MDFIC: variants seen among roughly 807,000 people sequenced by gnomAD.
MDFIC encodes myoD family inhibitor domain-containing protein.
MDFIC carries 17 observed loss-of-function variants against 23.2 expected under a neutral mutation model. The ratio of observed to expected loss-of-function variants is 0.73; its 90% confidence interval spans 0.50 to 1.10. The LOEUF is 1.10. Among genes scored for constraint, MDFIC ranks in the 50% least tolerant of loss-of-function variants. The pLI is 0.00. For synonymous variants in MDFIC, 120 were observed against 115.2 expected (o/e 1.04, Z -0.27); for missense variants, 356 against 316.6 (o/e 1.12, Z -0.95).
In MDFIC at chr7:114,922,225, C is replaced by G; in HGVS notation, c.-519C>G. The G allele has an allele frequency of 1.9e-6, 1 of 518,648 alleles. No homozygotes were observed. The highest frequency in any genetic ancestry group is 3.0e-6 in the Non-Finnish European group (1 of 337,712). 32.1% of individuals were successfully genotyped at this position (518,648 alleles called of 1,614,324 possible). On this transcript the variant is annotated 5_prime_UTR_variant, in exon 1 of 5. Transcript: ENST00000393486. The stretch of plus-strand genomic sequence containing the variant: ...GGATCGCGCGGCCGAGCCCGGGTCG[C>G]GCCGCTCCCAGCATCGGGGCCGCTA...
chr7:114,947,204 G>A (rs1202199921), intron 3 of MDFIC, among the ~76,000 whole-genome samples: 1 of 152,022 alleles, frequency 6.6e-6, no homozygotes, highest in Non-Finnish European at 1.5e-5. Context: ...TGTTTCTTGG[G>A]TCATCTAGGA....
chr7:114,930,842 G>A (rs1792294740), intron 2 of MDFIC, among the ~76,000 whole-genome samples: 1 of 152,176 alleles, frequency 6.6e-6, no homozygotes, highest in South Asian at 2.1e-4. Context: ...CAAAGGCAGA[G>A]GATAAATCGT....
At position 114,936,518 on chromosome 7, in the gene MDFIC, T is replaced by G. The variant is rs1792426885; in HGVS notation, c.95-5757T>G. On this transcript the variant is annotated intron_variant, in intron 2 of 4. Transcript: ENST00000393486. ...CATTTCTACCTACAAAGGGCAGAAC[T>G]AAGAGTAGTTATAAATGACTTGATA... Among the ~76,000 whole-genome samples the G allele has an allele frequency of 4.6e-5, 7 of 152,094 alleles. No homozygotes were observed. The South Asian group carries it at 1.4e-3, about 31-fold the overall frequency.
chr7:114,944,167 T>A (rs1439523624), intron 3 of MDFIC, among the ~76,000 whole-genome samples: 1 of 152,156 alleles, frequency 6.6e-6, no homozygotes, highest in Non-Finnish European at 1.5e-5. Flanking sequence ...CCATGGGACT[T>A]TGGAACATTA....
chr7:114,923,049 G>A lies in MDFIC; in HGVS notation c.16G>A (p.Glu6Lys), dbSNP rs1362372654. 9 of 1,359,954 alleles carry A rather than the reference G, an allele frequency of 6.6e-6. No homozygotes were observed. In the South Asian group the frequency reaches 7.1e-5, roughly 11 times the overall value. The allele number at this position is 1,359,954 out of a possible 1,614,324, so 84.2% of individuals were successfully genotyped here. Residue 6 changes from glutamate (E) to lysine (K), a missense_variant, in exon 2 of 5, where the codon GAA becomes AAA. Coordinates refer to ENST00000393486, the MANE Select transcript of MDFIC (RefSeq NM_001166345.3). MSGAG[E>K]ALAPGPVGPQ... ...GGAGCGGCCCATGTCCGGCGCGGGC[G>A]AAGCCCTCGCTCCCGGGCCCGTGGG...
In MDFIC at chr7:114,952,824, A is replaced by T. The variant is rs73443221; in HGVS notation, c.217+10427A>T. On this transcript the variant is annotated intron_variant, in intron 3 of 4. Coordinates refer to ENST00000393486, the MANE Select transcript of MDFIC (RefSeq NM_001166345.3). ...ATCATTCCCTGTCTTTATGAAAAAG[A>T]TATTAATATATCATTTATGTGTAGG... Among the ~76,000 whole-genome samples, 788 of 152,288 alleles carry T rather than the reference A, an allele frequency of 5.2e-3. 7 individuals are homozygous for T. The highest frequency in any genetic ancestry group is 0.018 in the African/African-American group (754 of 41,556).
intron 4 of MDFIC, among the ~76,000 whole-genome samples, chr7:114,984,936 C>T (rs1252604448): frequency 2.0e-5 from 3 of 152,196 alleles, no homozygotes; most frequent in African/African-American, 7.2e-5. Context: ...TAGAGAAATA[C>T]ATATCCAGTC....
chr7:115,015,793 G>C lies in MDFIC; in HGVS notation c.599G>C (p.Cys200Ser). ...ASCGICTSEA[C>S]CCCCGDEMGD... ...TGTGGCATCTGCACCTCAGAAGCCT[G>C]CTGCTGTTGCTGTGGTGACGAGATG... The change falls in exon 5 of 5, where the codon TGC becomes TCC. Residue 200 changes from cysteine to serine, a missense_variant. Transcript: ENST00000393486. 6.2e-7 allele frequency: 1 copy of C among 1,614,206 alleles called. No individual in the cohort carries two copies. Among genetic ancestry groups the C allele is most frequent in the Non-Finnish European group, 8.5e-7 (1 of 1,180,042 alleles).
chr7:114,960,163 C>T (rs941626134), intron 3 of MDFIC, among the ~76,000 whole-genome samples: 5 of 152,060 alleles, frequency 3.3e-5, no homozygotes, highest in Admixed American at 6.5e-5. Context: ...CACTACCTCA[C>T]GGGGTTGGTG....
At chr7:115,001,801 A>G (rs1791470406) in intron 4 of MDFIC, among the ~76,000 whole-genome samples, 1 of 152,090 alleles carries the variant, frequency 6.6e-6, no homozygotes, top group South Asian at 2.1e-4. Context: ...ACTCTAATTA[A>G]CCATGAAAAA....
At chr7:114,986,071 C>T (rs1197128460) in intron 4 of MDFIC, among the ~76,000 whole-genome samples, 4 of 142,350 alleles carry the variant, frequency 2.8e-5, no homozygotes, top group Non-Finnish European at 6.1e-5. Context: ...GAACGGTTAT[C>T]GAAAAGGAAA....
chr7:114,926,868 C>A (rs1792201310), intron 2 of MDFIC, among the ~76,000 whole-genome samples: 1 of 152,086 alleles, frequency 6.6e-6, no homozygotes, highest in Non-Finnish European at 1.5e-5. Context: ...CTATTTTTAT[C>A]ATATTATTTT....
rs904595289 is a variant in MDFIC at position 115,019,855 on chromosome 7, T to G, written c.*3920T>G. ...GTTTTTATAATCAAGCATTGGGTATTAAAAGAGAATCCTTTCAACCCTTCA... is the reference window on the plus strand; with the variant it reads ...GTTTTTATAATCAAGCATTGGGTATGAAAAGAGAATCCTTTCAACCCTTCA... On this transcript the variant is annotated 3_prime_UTR_variant, in exon 5 of 5. Coordinates refer to ENST00000393486, the MANE Select transcript of MDFIC (RefSeq NM_001166345.3). 6.6e-6 allele frequency among the ~76,000 whole-genome samples: 1 copy of G among 152,152 alleles called. No individual in the cohort carries two copies. The highest frequency in any genetic ancestry group is 1.5e-5 in the Non-Finnish European group (1 of 68,012).
chr7:114,955,999 G>C (rs1444601566), intron 3 of MDFIC, among the ~76,000 whole-genome samples: 1 of 152,150 alleles, frequency 6.6e-6, no homozygotes, highest in Non-Finnish European at 1.5e-5. Flanking sequence ...TGATTTTTCA[G>C]CATACACCCT....
rs555445502 is a variant in MDFIC, at chr7:114,966,986, AT to A, written c.218-12519del. 1.7e-4 allele frequency among the ~76,000 whole-genome samples: 26 copies of A among 152,334 alleles called. No individual in the cohort carries two copies. The South Asian group carries it at 5.4e-3, about 32-fold the overall frequency. ...GCGTATTGGATTTTTTTTTAAAAAA[AT>A]ATATCTACTTAGAGCAAATATGTAA... On this transcript the variant is annotated intron_variant, in intron 3 of 4. Coordinates refer to ENST00000393486, the MANE Select transcript of MDFIC (RefSeq NM_001166345.3).
chr7:114,952,903 T>C (rs1481396385), intron 3 of MDFIC, among the ~76,000 whole-genome samples: 1 of 152,200 alleles, frequency 6.6e-6, no homozygotes, highest in Admixed American at 6.5e-5. Flanking sequence ...AAAGGCGCTG[T>C]CATAATTACA....
At chr7:114,981,350 C>G (rs1187595746) in intron 4 of MDFIC, among the ~76,000 whole-genome samples, 1 of 151,964 alleles carries the variant, frequency 6.6e-6, no homozygotes, top group Non-Finnish European at 1.5e-5. Flanking sequence ...CCTTTAATAC[C>G]ATGTCTGAAT....
chr7:115,010,372 A>G (rs1344709974), intron 4 of MDFIC, among the ~76,000 whole-genome samples: 1 of 152,192 alleles, frequency 6.6e-6, no homozygotes, highest in Non-Finnish European at 1.5e-5. Flanking sequence ...GGTTTTATAA[A>G]AAGACCCACC....
intron 4 of MDFIC, among the ~76,000 whole-genome samples, chr7:114,982,283 A>T (rs138540188): frequency 6.6e-6 from 1 of 152,340 alleles, no homozygotes; most frequent in East Asian, 1.9e-4. Flanking sequence ...AATAGGCAGC[A>T]TGATTTATTG....
Sources: allele counts gnomAD v4.1 joint callset (sites outside exome capture counted in the v4.1 genomes callset), GRCh38; gene constraint gnomAD v4.1.1; transcripts MANE v1.5; gene names NCBI Gene and HGNC (gene_info 2026-07-23, HGNC 2026-07-21).